The following EPB41L4B variants were observed in gnomAD, a reference collection of about 807,000 sequenced individuals.
The protein encoded by EPB41L4B is band 4.1-like protein 4B.
Under a neutral mutation model 112.5 loss-of-function variants are expected in EPB41L4B, and 30 were observed. That is an observed-to-expected ratio of 0.27 (90% CI 0.20 to 0.36). The LOEUF (loss-of-function observed/expected upper bound fraction) is 0.36. Among genes scored for constraint, EPB41L4B ranks in the 10% least tolerant of loss-of-function variants. The probability of loss-of-function intolerance (pLI) is 1.00; values close to 1 mark genes in which losing one functional copy is unlikely to be tolerated. For synonymous variants in EPB41L4B, 408 were observed against 439.7 expected, an observed-to-expected ratio of 0.93 and a Z score of 0.90; for missense variants, 1,024 against 1,133.3, an observed-to-expected ratio of 0.90 and a Z score of 1.38.
intron 1 of EPB41L4B, among the ~76,000 whole-genome samples, chr9:109,281,706 AAATAAATAAATAAATAAATTAATT>A (rs1250668101): frequency 8.1e-6 from 1 of 123,234 alleles, no homozygotes; most frequent in Non-Finnish European, 1.7e-5. Flanking sequence ...ATAAATAAAT[AAATAAATAAATAAATAAATTAATT>A]AATTAATTTT....
At chr9:109,289,747 C>T (rs1443605548) in intron 1 of EPB41L4B, among the ~76,000 whole-genome samples, 1 of 152,202 alleles carries the variant, frequency 6.6e-6, no homozygotes, top group African/African-American at 2.4e-5. Context: ...TAACAAAATG[C>T]TATGCCTTTT....
chr9:109,192,438 C>CT, intron 21 of EPB41L4B, 83 bp from the exon 22 acceptor site: 1 of 982,054 alleles, frequency 1.0e-6, no homozygotes, highest in Non-Finnish European at 1.5e-6. Context: ...GCAGAGGTTC[C>CT]CAGCCTCTCC....
chr9:109,239,187 C>G (rs553785116), intron 15 of EPB41L4B, among the ~76,000 whole-genome samples: 2 of 152,250 alleles, frequency 1.3e-5, no homozygotes, highest in Admixed American at 6.5e-5. Context: ...GAGAAGAAAG[C>G]CCAAGTATGA....
At position 109,290,728 on chromosome 9, in the gene EPB41L4B, T is replaced by TAC. The variant is rs1039340336; in HGVS notation, c.307-10809_307-10808dup. Among the ~76,000 whole-genome samples the TAC allele has an allele frequency of 4.2e-3, 575 of 137,202 alleles. 8 individuals carry two copies. Among genetic ancestry groups the TAC allele is most frequent in the African/African-American group, 0.014 (535 of 39,350 alleles). 90.0% of individuals were successfully genotyped at this position (137,202 alleles called of 152,430 possible). A position where few individuals can be genotyped will look rare whatever the true frequency, so the allele number is the denominator to read the frequency against. Reference sequence around the variant, plus strand: ...AACTAGCCATATATATATATATATATACACACACACACATACATATATATA... The same window carrying TAC: ...AACTAGCCATATATATATATATATATACACACACACACACATACATATATATA... On this transcript the variant is annotated intron_variant, in intron 1 of 25. Transcript: ENST00000374566.
intron 15 of EPB41L4B, among the ~76,000 whole-genome samples, chr9:109,226,537 T>C (rs1356933891): frequency 6.6e-6 from 1 of 150,826 alleles, no homozygotes; most frequent in Non-Finnish European, 1.5e-5. Flanking sequence ...CTGTAAGAAA[T>C]GCCTAGAGTA....
At chr9:109,241,446 C>G (rs1834349015) in intron 15 of EPB41L4B, 5 of 1,322,506 alleles carry the variant, frequency 3.8e-6, no homozygotes, top group Non-Finnish European at 4.8e-6. Flanking sequence ...GATTCCTGAG[C>G]CTTTACCTTC....
intron 17 of EPB41L4B, among the ~76,000 whole-genome samples, chr9:109,210,425 C>T (rs1373118859): frequency 6.6e-6 from 1 of 151,946 alleles, no homozygotes; most frequent in Admixed American, 6.6e-5. Context: ...GTTATAAAGC[C>T]CATTTGAGGC....
At chr9:109,259,375 C>A (rs923276900) in intron 6 of EPB41L4B, among the ~76,000 whole-genome samples, 2 of 152,212 alleles carry the variant, frequency 1.3e-5, no homozygotes, top group East Asian at 1.9e-4. Flanking sequence ...AGGTCTGGAA[C>A]CCGGCCTAAG....
rs974316393 is a variant in EPB41L4B at position 109,173,455 on chromosome 9, G to A, written c.*1099C>T. The A allele has an allele frequency of 2.0e-5, 3 of 152,240 alleles. No individual in the cohort carries two copies. The highest frequency in any genetic ancestry group is 4.8e-5 in the African/African-American group (2 of 41,308). The allele number at this position is 152,240 out of a possible 1,614,324, so 9.4% of individuals were successfully genotyped here. On this transcript the variant is annotated 3_prime_UTR_variant, in exon 26 of 26. Transcript: ENST00000374566. ...ATTCATAGCAGCACTATTTATAAGA[G>A]TGAAAAATTAGATATAACTCAAATA...
rs10979810 is a variant in EPB41L4B, at chr9:109,294,471, A to G, written c.307-14550T>C. ...CTCTACTAAAAATAAGAATTTAGCC[A>G]AGAGCAGTTCCACATGCCGGTAGTC... On this transcript the variant is annotated intron_variant, in intron 1 of 25. Transcript: ENST00000374566. Among the ~76,000 whole-genome samples, 1,021 of 152,168 alleles carry G rather than the reference A, an allele frequency of 6.7e-3. 24 individuals carry two copies. The East Asian group carries it at 0.094, about 14-fold the overall frequency.
chr9:109,244,673 A>G (rs1588166169), intron 14 of EPB41L4B, among the ~76,000 whole-genome samples: 1 of 152,068 alleles, frequency 6.6e-6, no homozygotes, highest in Non-Finnish European at 1.5e-5. Flanking sequence ...ACTGAGGTGC[A>G]GCCCTAGCCG....
At position 109,182,278 on chromosome 9, in the gene EPB41L4B, C is replaced by T. The variant is rs571193774; in HGVS notation, c.2487+451G>A. 7.2e-4 allele frequency among the ~76,000 whole-genome samples: 109 copies of T among 152,258 alleles called. 4 individuals are homozygous for T. In the South Asian group the frequency reaches 0.022, roughly 31 times the overall value. Reference sequence around the variant, plus strand: ...TACATGCGTGGATGAACCTCAAATACATTATGCTAAGTGAAAGAGGCCAGT... The same window carrying T: ...TACATGCGTGGATGAACCTCAAATATATTATGCTAAGTGAAAGAGGCCAGT... On this transcript the variant is annotated intron_variant, in intron 24 of 25. Coordinates refer to ENST00000374566, the MANE Select transcript of EPB41L4B (RefSeq NM_019114.5).
chr9:109,184,102 G>A, intron 23 of EPB41L4B, among the ~76,000 whole-genome samples: 1 of 145,844 alleles, frequency 6.9e-6, no homozygotes, highest in East Asian at 1.9e-4. Flanking sequence ...GAAGTCTTGG[G>A]GTACATTCTC....
chr9:109,227,116 G>C (rs1833810605), intron 15 of EPB41L4B, among the ~76,000 whole-genome samples: 1 of 152,008 alleles, frequency 6.6e-6, no homozygotes, highest in South Asian at 2.1e-4. Flanking sequence ...GGTATTACAG[G>C]CATGAGCCTC....
intron 1 of EPB41L4B, among the ~76,000 whole-genome samples, chr9:109,284,570 A>G (rs1235754451): frequency 2.6e-5 from 4 of 152,008 alleles, no homozygotes; most frequent in Non-Finnish European, 4.4e-5. Flanking sequence ...ACCCCACCAC[A>G]CTGGGCTAAT....
Position 109,320,787 on chromosome 9 carries a change from C to A in EPB41L4B, c.-341G>T. On this transcript the variant is annotated 5_prime_UTR_variant, in exon 1 of 26. Transcript: ENST00000374566. ...CTCCGGACGGGCGGCTGCGGGCTGC[C>A]AGGGGGCTGCCGGGGGCGCGGGAGG... 1 of 144,198 alleles carries A rather than the reference C, an allele frequency of 6.9e-6. No homozygotes were observed. The highest frequency in any genetic ancestry group is 2.1e-4 in the South Asian group (1 of 4,846). 8.9% of individuals were successfully genotyped at this position (144,198 alleles called of 1,614,324 possible).
chr9:109,245,885 C>A (rs3793561), intron 14 of EPB41L4B, among the ~76,000 whole-genome samples: 47,200 of 152,064 alleles, frequency 0.31, 8,626 homozygotes, highest in Admixed American at 0.44. Context: ...TTCAGTAGAT[C>A]TGATTTCAAC....
In EPB41L4B at chr9:109,201,454, A is replaced by AAAAAAAAAAAAG. The variant is rs1373430937; in HGVS notation, c.1947-1132_1947-1121dup. On this transcript the variant is annotated intron_variant, in intron 19 of 25. Transcript: ENST00000374566. ...GCTGGAGTGAGACCCTGTCTCAAAAAAAAAAAAAAAAGAAAAAAAAAGTAT... is the reference window on the plus strand; with the variant it reads ...GCTGGAGTGAGACCCTGTCTCAAAAAAAAAAAAAAAAGAAAAAAAAAAAGAAAAAAAAAGTAT... Among the ~76,000 whole-genome samples the AAAAAAAAAAAAG allele has an allele frequency of 3.3e-5, 5 of 151,026 alleles. No homozygotes were observed. In the East Asian group the frequency reaches 5.8e-4, roughly 18 times the overall value.
chr9:109,256,796 G>A (rs988236085), intron 7 of EPB41L4B, among the ~76,000 whole-genome samples: 8 of 152,308 alleles, frequency 5.3e-5, no homozygotes, highest in Non-Finnish European at 1.0e-4. Flanking sequence ...TACAGAATTC[G>A]CTGGGCGTGG....
Sources: allele counts gnomAD v4.1 joint callset (sites outside exome capture counted in the v4.1 genomes callset), GRCh38; gene constraint gnomAD v4.1.1; transcripts MANE v1.5; gene names NCBI Gene and HGNC (gene_info 2026-07-23, HGNC 2026-07-21).